Variants in NELL1 observed in about 807,000 individuals in gnomAD.
NELL1 encodes neural EGFL like 1, also known as protein kinase C-binding protein NELL1.
In NELL1, 76 loss-of-function variants were observed where a neutral mutation model predicts 107.4. That is an observed-to-expected ratio of 0.71 (90% CI 0.59 to 0.86). The LOEUF (loss-of-function observed/expected upper bound fraction) is 0.86, where lower values mean the gene tolerates loss of function less well. Among genes scored for constraint, NELL1 ranks in the 40% least tolerant of loss-of-function variants. NELL1 has a pLI of 0.00. For synonymous variants in NELL1, 353 were observed against 341.2 expected (o/e 1.03, Z -0.38); for missense variants, 1,024 against 1,005.5 (o/e 1.02, Z -0.25).
chr11:21,515,993 A>T (rs1230556100), intron 15 of NELL1, among the ~76,000 whole-genome samples: 1 of 152,178 alleles, frequency 6.6e-6, no homozygotes, highest in Non-Finnish European at 1.5e-5. Flanking sequence ...ACTTGTTTCT[A>T]CATCTTCCTC....
chr11:20,854,684 C>T (rs1236168344), intron 4 of NELL1, among the ~76,000 whole-genome samples: 4 of 134,570 alleles, frequency 3.0e-5, no homozygotes, highest in Non-Finnish European at 6.3e-5. Flanking sequence ...TTCCTGAGTT[C>T]TCTGCCTCAG....
chr11:20,753,905 T>G (rs967382236), intron 2 of NELL1, among the ~76,000 whole-genome samples: 35 of 152,338 alleles, frequency 2.3e-4, no homozygotes, highest in African/African-American at 8.4e-4. Flanking sequence ...TGCTTTGTTT[T>G]GTTTTGTTTT....
At chr11:21,512,759 G>A (rs188202861) in intron 15 of NELL1, among the ~76,000 whole-genome samples, 155 of 151,426 alleles carry the variant, frequency 1.0e-3, no homozygotes, top group African/African-American at 3.6e-3. Context: ...GTAAAGAACA[G>A]ATCTATAAAA....
intron 15 of NELL1, among the ~76,000 whole-genome samples, chr11:21,478,362 C>A (rs1220001477): frequency 6.6e-6 from 1 of 152,160 alleles, no homozygotes; most frequent in African/African-American, 2.4e-5. Context: ...TCTCCCAAAT[C>A]TCATGTCCTT....
At chr11:21,365,377 C>T (rs563880974) in intron 14 of NELL1, among the ~76,000 whole-genome samples, 1 of 152,202 alleles carries the variant, frequency 6.6e-6, no homozygotes, top group East Asian at 1.9e-4. Context: ...GTGCAAACTT[C>T]GATAACTTAT....
At chr11:21,088,105 G>GTA (rs1491065452) in intron 12 of NELL1, among the ~76,000 whole-genome samples, 3 of 142,846 alleles carry the variant, frequency 2.1e-5, no homozygotes, top group African/African-American at 5.3e-5. Flanking sequence ...GTGTGTGTGT[G>GTA]TATCACTGAA....
intron 2 of NELL1, among the ~76,000 whole-genome samples, chr11:20,739,705 C>T (rs557007169): frequency 1.2e-4 from 18 of 152,242 alleles, no homozygotes; most frequent in South Asian, 2.1e-4. Context: ...GACATGTTCC[C>T]GCACTGCCAT....
intron 5 of NELL1, among the ~76,000 whole-genome samples, chr11:20,896,355 C>A (rs940579527): frequency 6.6e-6 from 1 of 152,108 alleles, no homozygotes. Context: ...ATATACATGC[C>A]ACAATTTCTT....
intron 13 of NELL1, among the ~76,000 whole-genome samples, chr11:21,171,440 T>G (rs549682059): frequency 6.6e-6 from 1 of 151,996 alleles, no homozygotes; most frequent in East Asian, 1.9e-4. Flanking sequence ...TCTGTATATT[T>G]TTTAACGAAA....
chr11:20,891,193 T>C (rs1035746739), intron 5 of NELL1, among the ~76,000 whole-genome samples: 7 of 152,140 alleles, frequency 4.6e-5, no homozygotes, highest in African/African-American at 1.7e-4. Flanking sequence ...CCAGAAGAGA[T>C]TGGGGGCCAA....
chr11:21,574,858 G>T (rs1857185278), intron 19 of NELL1, 114 bp from the exon 20 acceptor site: 6 of 797,988 alleles, frequency 7.5e-6, no homozygotes, highest in Non-Finnish European at 1.0e-5. Context: ...ATTTTTTATA[G>T]CCTTCTTGAA....
intron 3 of NELL1, among the ~76,000 whole-genome samples, chr11:20,845,837 T>G (rs1167631936): frequency 1.3e-5 from 2 of 152,150 alleles, no homozygotes; most frequent in Non-Finnish European, 2.9e-5. Flanking sequence ...CTTCACTAGT[T>G]CACAAAGCAC....
chr11:20,707,971 G>A (rs528655175), intron 2 of NELL1, among the ~76,000 whole-genome samples: 2 of 152,354 alleles, frequency 1.3e-5, no homozygotes, highest in South Asian at 2.1e-4. Flanking sequence ...AGGCAGGCCT[G>A]CCTGAGCTGC....
intron 2 of NELL1, among the ~76,000 whole-genome samples, chr11:20,763,812 T>C (rs1260938062): frequency 6.6e-6 from 1 of 152,116 alleles, no homozygotes; most frequent in Non-Finnish European, 1.5e-5. Context: ...GGGAAGAACC[T>C]GGAAGGGCAG....
intron 15 of NELL1, among the ~76,000 whole-genome samples, chr11:21,379,308 T>C (rs1462870789): frequency 6.6e-6 from 1 of 152,058 alleles, no homozygotes; most frequent in African/African-American, 2.4e-5. Flanking sequence ...GGAAAAAATA[T>C]GCTGATGCTA....
chr11:21,254,913 C>A (rs1858730932), intron 14 of NELL1, among the ~76,000 whole-genome samples: 1 of 152,098 alleles, frequency 6.6e-6, no homozygotes. Flanking sequence ...CCTTCAAACA[C>A]TCATTGAATT....
intron 15 of NELL1, among the ~76,000 whole-genome samples, chr11:21,525,547 C>T (rs779014478): frequency 1.7e-4 from 26 of 152,186 alleles, no homozygotes; most frequent in Non-Finnish European, 2.9e-4. Context: ...GAGCCCAAAG[C>T]TAAGGTCTCC....
chr11:20,791,857 C>T (rs577574405), intron 3 of NELL1, among the ~76,000 whole-genome samples: 1 of 150,298 alleles, frequency 6.7e-6, no homozygotes, highest in African/African-American at 2.4e-5. Context: ...ATTTCTATAT[C>T]TACTGAGATG....
intron 12 of NELL1, among the ~76,000 whole-genome samples, chr11:21,021,831 C>T (rs1267685859): frequency 6.6e-6 from 1 of 152,100 alleles, no homozygotes; most frequent in Non-Finnish European, 1.5e-5. Context: ...CTGTGAGAAG[C>T]AAATTGAACT....
Sources: allele counts gnomAD v4.1 joint callset (sites outside exome capture counted in the v4.1 genomes callset), GRCh38; gene constraint gnomAD v4.1.1; transcripts MANE v1.5; gene names NCBI Gene and HGNC (gene_info 2026-07-23, HGNC 2026-07-21).